Variants in GNG4 observed in about 807,000 individuals in gnomAD.
The protein encoded by GNG4 is G protein subunit gamma 4, also known as guanine nucleotide-binding protein G(I)/G(S)/G(O) subunit gamma-4.
In GNG4, 4 loss-of-function variants were observed where a neutral mutation model predicts 5.8. The observed-to-expected ratio is 0.69, with a 90% CI of 0.34 to 1.57. The LOEUF is 1.57. Ranked by LOEUF, GNG4 falls within the 40% of genes most tolerant of loss-of-function variation. The pLI, the probability that GNG4 is intolerant of heterozygous loss-of-function variation, is 0.06. For missense variants in GNG4, 96 were observed against 95.1 expected (o/e 1.01, Z -0.04); for synonymous variants, 29 against 32.9 (o/e 0.88, Z 0.41).
intron 3 of GNG4, among the ~76,000 whole-genome samples, chr1:235,572,560 G>A (rs1321160547): frequency 2.0e-5 from 3 of 149,770 alleles, no homozygotes; most frequent in Non-Finnish European, 4.4e-5. Flanking sequence ...GGAGTGAGGT[G>A]GTATGTTCTC....
chr1:235,625,372 C>A (rs993354024), intron 1 of GNG4, among the ~76,000 whole-genome samples: 11 of 152,234 alleles, frequency 7.2e-5, no homozygotes, highest in Non-Finnish European at 1.6e-4. Flanking sequence ...CAGCCTCCCC[C>A]ATGAACATCC....
chr1:235,587,477 A>T (rs866141958), intron 2 of GNG4, among the ~76,000 whole-genome samples: 694 of 1,434 alleles, frequency 0.48, 154 homozygotes, highest in East Asian at 0.87. Context: ...GGTGAGTGTG[A>T]GAGTGTGGAT....
intron 1 of GNG4, among the ~76,000 whole-genome samples, chr1:235,606,207 C>G (rs868425899): frequency 6.6e-6 from 1 of 151,924 alleles, no homozygotes; most frequent in Non-Finnish European, 1.5e-5. Flanking sequence ...TAGTGAAACC[C>G]CATCTCTATT....
intron 3 of GNG4, among the ~76,000 whole-genome samples, chr1:235,556,740 TTC>T (rs1686920524): frequency 1.2e-5 from 1 of 81,346 alleles, no homozygotes; most frequent in Non-Finnish European, 2.2e-5. Context: ...TACACTTTAT[TTC>T]TGTTATTATT....
At chr1:235,592,198 T>C (rs111669243) in intron 2 of GNG4, among the ~76,000 whole-genome samples, 5,686 of 152,250 alleles carry the variant, frequency 0.037, 341 homozygotes, top group African/African-American at 0.13. Flanking sequence ...CTCTGACTGC[T>C]GCTTTTGGTT....
chr1:235,631,379 T>C (rs1438585031), intron 1 of GNG4, among the ~76,000 whole-genome samples: 2 of 152,140 alleles, frequency 1.3e-5, no homozygotes, highest in East Asian at 3.8e-4. Flanking sequence ...TGTGCCTAGG[T>C]TGATCTTTCC....
At chr1:235,602,811 C>T (rs940866384) in intron 1 of GNG4, among the ~76,000 whole-genome samples, 4 of 152,156 alleles carry the variant, frequency 2.6e-5, no homozygotes, top group Admixed American at 6.5e-5. Context: ...GTTCTCCTAG[C>T]GTTCATCGTG....
At chr1:235,576,633 C>T (rs1687491348) in intron 3 of GNG4, among the ~76,000 whole-genome samples, 1 of 152,110 alleles carries the variant, frequency 6.6e-6, no homozygotes, top group South Asian at 2.1e-4. Flanking sequence ...TAAGAGTTTG[C>T]AAAGAACACA....
In GNG4 at chr1:235,596,223, C is replaced by A. The variant is rs1319560947; in HGVS notation, c.-122-712G>T. Among the ~76,000 whole-genome samples, 361 of 148,988 alleles carry A rather than the reference C, an allele frequency of 2.4e-3. 2 individuals are homozygous for A. The highest frequency in any genetic ancestry group is 8.0e-3 in the African/African-American group (325 of 40,570). ...AACAAACAAAATACACACACACACACACACACACACACACACACACACACA... is the reference window on the plus strand; with the variant it reads ...AACAAACAAAATACACACACACACAAACACACACACACACACACACACACA... On this transcript the variant is annotated intron_variant, in intron 1 of 3. Coordinates refer to ENST00000391854, the MANE Select transcript of GNG4 (RefSeq NM_001098722.2).
rs10660622 is a variant in GNG4, at chr1:235,569,457, C to CAAA, written c.99+14280_99+14282dup. On this transcript the variant is annotated intron_variant, in intron 3 of 3. Transcript: ENST00000391854. ...TGGGTGACAGAGGGAGACCGTGTCTCAAAAAAAAAAAAAGAATGTAATCAA... is the reference window on the plus strand; with the variant it reads ...TGGGTGACAGAGGGAGACCGTGTCTCAAAAAAAAAAAAAAAAGAATGTAATCAA... Among the ~76,000 whole-genome samples, 424 of 139,912 alleles carry CAAA rather than the reference C, an allele frequency of 3.0e-3. 1 individual carries two copies. The highest frequency in any genetic ancestry group is 0.024 in the Admixed American group (343 of 14,048). 91.8% of individuals were successfully genotyped at this position (139,912 alleles called of 152,430 possible). A position where few individuals can be genotyped will look rare whatever the true frequency, so the allele number is the denominator to read the frequency against.
chr1:235,579,678 C>A (rs953382909), intron 3 of GNG4, among the ~76,000 whole-genome samples: 5 of 151,756 alleles, frequency 3.3e-5, no homozygotes, highest in African/African-American at 1.2e-4. Flanking sequence ...TATAGTAAAA[C>A]CCTGTCTCTA....
intron 3 of GNG4, among the ~76,000 whole-genome samples, chr1:235,569,001 AT>A (rs1374024267): frequency 6.6e-6 from 1 of 151,648 alleles, no homozygotes; most frequent in Non-Finnish European, 1.5e-5. Flanking sequence ...TAATTTTTGT[AT>A]TTTTAGTAGA....
intron 3 of GNG4, among the ~76,000 whole-genome samples, chr1:235,553,797 G>A (rs1335503523): frequency 6.6e-6 from 1 of 152,200 alleles, no homozygotes; most frequent in African/African-American, 2.4e-5. Context: ...CCGCCCGTAA[G>A]CTAGCTGTGT....
At position 235,567,920 on chromosome 1, in the gene GNG4, T is replaced by A. The variant is rs1687239486; in HGVS notation, c.100-15683A>T. Among the ~76,000 whole-genome samples, 3 of 152,054 alleles carry A rather than the reference T, an allele frequency of 2.0e-5. No homozygotes were observed. The South Asian group carries it at 6.2e-4, about 32-fold the overall frequency. On this transcript the variant is annotated intron_variant, in intron 3 of 3. Coordinates refer to ENST00000391854, the MANE Select transcript of GNG4 (RefSeq NM_001098722.2). ...TAAATAAGCAACAATGAGGAAGGGG[T>A]CCCAGGTTGGGGAGAACAATTGTTC...
intron 1 of GNG4, among the ~76,000 whole-genome samples, chr1:235,626,826 G>C (rs993448167): frequency 6.6e-6 from 1 of 151,932 alleles, no homozygotes; most frequent in African/African-American, 2.4e-5. Flanking sequence ...GGGCGTGGTG[G>C]CACATGCCTG....
intron 2 of GNG4, among the ~76,000 whole-genome samples, chr1:235,594,799 C>T (rs1688083336): frequency 6.6e-6 from 1 of 152,212 alleles, no homozygotes; most frequent in Admixed American, 6.5e-5. Context: ...GGAGCCAGCT[C>T]CCGCCTTGGC....
intron 1 of GNG4, among the ~76,000 whole-genome samples, chr1:235,612,263 G>T (rs1558496770): frequency 6.6e-6 from 1 of 152,172 alleles, no homozygotes. Context: ...GAAGGATGGG[G>T]ACAGAGGCCC....
At chr1:235,601,542 G>A (rs996916615) in intron 1 of GNG4, among the ~76,000 whole-genome samples, 4 of 152,206 alleles carry the variant, frequency 2.6e-5, no homozygotes, top group African/African-American at 9.6e-5. Flanking sequence ...CAGGTGCTGA[G>A]GGAGAGATGT....
At chr1:235,596,229 C>A (rs1200345902) in intron 1 of GNG4, among the ~76,000 whole-genome samples, 8 of 148,894 alleles carry the variant, frequency 5.4e-5, no homozygotes, top group South Asian at 2.2e-4. Context: ...CACACACACA[C>A]ACACACACAC....
Sources: gnomAD v4.1 joint callset for allele counts (sites outside exome capture counted in the v4.1 genomes callset) on GRCh38, gnomAD v4.1.1 for gene constraint, MANE v1.5 for transcripts, NCBI Gene and HGNC (gene_info 2026-07-23, HGNC 2026-07-21) for gene names.